The following CCDC178 variants were observed in gnomAD, a reference collection of about 807,000 sequenced individuals.
The protein encoded by CCDC178 is coiled-coil domain-containing protein 178.
CCDC178 carries 126 observed loss-of-function variants against 117.4 expected under a neutral mutation model. The ratio of observed to expected loss-of-function variants is 1.07; its 90% confidence interval spans 0.93 to 1.24. The LOEUF is 1.24. Ranked by LOEUF, CCDC178 falls within the 50% of genes most tolerant of loss-of-function variation. The pLI is 0.00. For missense variants in CCDC178, 1,030 were observed against 986.9 expected (o/e 1.04, Z -0.59); for synonymous variants, 283 against 313.4 (o/e 0.90, Z 1.02).
At chr18:33,129,656 A>T (rs1008545497) in intron 20 of CCDC178, among the ~76,000 whole-genome samples, 20 of 152,020 alleles carry the variant, frequency 1.3e-4, no homozygotes, top group African/African-American at 4.8e-4. Flanking sequence ...CAAAAAAAAA[A>T]TAGTAAAGAA....
chr18:33,254,255 C>T (rs1156463637), intron 14 of CCDC178, among the ~76,000 whole-genome samples: 3 of 76,656 alleles, frequency 3.9e-5, no homozygotes, highest in Non-Finnish European at 8.1e-5. Context: ...TTGAGAAACA[C>T]ACACACACAC....
chr18:33,371,784 T>TATACACACACAC (rs369419194), intron 5 of CCDC178, among the ~76,000 whole-genome samples: 21 of 144,308 alleles, frequency 1.5e-4, no homozygotes, highest in African/African-American at 4.9e-4. Flanking sequence ...TAAACATATA[T>TATACACACACAC]ACACACACAC....
intron 20 of CCDC178, among the ~76,000 whole-genome samples, chr18:33,203,734 A>C (rs2059017845): frequency 6.6e-6 from 1 of 152,170 alleles, no homozygotes. Flanking sequence ...AATTCCTTAA[A>C]AGGGTTCACA....
chr18:33,415,031 C>T (rs1191760509), intron 2 of CCDC178, among the ~76,000 whole-genome samples: 3 of 152,100 alleles, frequency 2.0e-5, no homozygotes, highest in Non-Finnish European at 2.9e-5. Flanking sequence ...GAATGGCGAT[C>T]ATTAAAAAGT....
chr18:33,201,269 C>A (rs1188314630), intron 20 of CCDC178, among the ~76,000 whole-genome samples: 2 of 152,132 alleles, frequency 1.3e-5, no homozygotes, highest in African/African-American at 4.8e-5. Flanking sequence ...AAGTTGCAAA[C>A]AAATAAATTA....
intron 21 of CCDC178, among the ~76,000 whole-genome samples, chr18:33,051,567 G>T (rs1391338922): frequency 6.6e-6 from 1 of 152,214 alleles, no homozygotes; most frequent in African/African-American, 2.4e-5. Context: ...CAATAACTGG[G>T]ATGGACGCTG....
At chr18:33,139,947 C>T (rs2058179807) in intron 20 of CCDC178, among the ~76,000 whole-genome samples, 1 of 152,134 alleles carries the variant, frequency 6.6e-6, no homozygotes. Context: ...GGTTCCCACG[C>T]TGTGCACAGT....
chr18:33,341,178 T>C (rs1272603396), intron 9 of CCDC178, among the ~76,000 whole-genome samples: 1 of 150,864 alleles, frequency 6.6e-6, no homozygotes, highest in Admixed American at 6.6e-5. Flanking sequence ...TTTTGGAGCC[T>C]TAAAATTTGG....
intron 22 of CCDC178, among the ~76,000 whole-genome samples, chr18:32,958,775 TG>T (rs1199640383): frequency 1.3e-5 from 2 of 152,166 alleles, no homozygotes; most frequent in African/African-American, 4.8e-5. Context: ...TCTGCAAGCT[TG>T]CTGCCTTCCT....
chr18:33,351,231 C>T (rs1232072382), intron 7 of CCDC178, among the ~76,000 whole-genome samples: 1 of 151,766 alleles, frequency 6.6e-6, no homozygotes, highest in African/African-American at 2.4e-5. Context: ...GTCTCACTGT[C>T]GCCCAGGTTG....
intron 20 of CCDC178, among the ~76,000 whole-genome samples, chr18:33,097,367 G>A (rs764524401): frequency 6.6e-6 from 1 of 152,084 alleles, no homozygotes; most frequent in Non-Finnish European, 1.5e-5. Flanking sequence ...CTAACCCCTA[G>A]CCTCCAAGTC....
intron 11 of CCDC178, among the ~76,000 whole-genome samples, chr18:33,320,080 A>T (rs1037230779): frequency 2.0e-5 from 3 of 152,188 alleles, no homozygotes; most frequent in African/African-American, 7.2e-5. Context: ...TTAGGTATTG[A>T]TGGGACATAT....
At chr18:33,057,296 C>T (rs987006740) in intron 21 of CCDC178, among the ~76,000 whole-genome samples, 1 of 152,068 alleles carries the variant, frequency 6.6e-6, no homozygotes, top group African/African-American at 2.4e-5. Context: ...TAAAATGGGG[C>T]TATTTATACC....
chr18:33,139,066 T>G (rs1445914106), intron 20 of CCDC178, among the ~76,000 whole-genome samples: 1 of 152,198 alleles, frequency 6.6e-6, no homozygotes, highest in Non-Finnish European at 1.5e-5. Flanking sequence ...TGTGCTGTTC[T>G]TGTAATAGTG....
At chr18:33,045,298 A>G (rs369769460) in intron 21 of CCDC178, among the ~76,000 whole-genome samples, 35 of 152,328 alleles carry the variant, frequency 2.3e-4, no homozygotes, top group African/African-American at 8.4e-4. Flanking sequence ...AGTGCTTAAT[A>G]TATGACCTAC....
At chr18:33,337,859 C>T (rs886497263) in intron 9 of CCDC178, among the ~76,000 whole-genome samples, 1 of 152,152 alleles carries the variant, frequency 6.6e-6, no homozygotes, top group Non-Finnish European at 1.5e-5. Context: ...GCAAAGACTT[C>T]ATGACCAGGA....
chr18:33,125,363 A>G (rs1374922396), intron 20 of CCDC178, among the ~76,000 whole-genome samples: 4 of 152,194 alleles, frequency 2.6e-5, no homozygotes, highest in South Asian at 2.1e-4. Context: ...TTTGATAAAT[A>G]TTAGATTTCC....
intron 21 of CCDC178, among the ~76,000 whole-genome samples, chr18:33,037,280 T>C (rs1181387630): frequency 6.6e-6 from 1 of 152,120 alleles, no homozygotes; most frequent in East Asian, 1.9e-4. Flanking sequence ...CACTAGTTAT[T>C]TGAATTTCTA....
intron 20 of CCDC178, among the ~76,000 whole-genome samples, chr18:33,128,151 C>T (rs1282853525): frequency 6.6e-6 from 1 of 152,154 alleles, no homozygotes; most frequent in Non-Finnish European, 1.5e-5. Context: ...GTTAGAGAAC[C>T]ATTCTTATTA....
Sources: allele counts gnomAD v4.1 joint callset (sites outside exome capture counted in the v4.1 genomes callset), GRCh38; gene constraint gnomAD v4.1.1; transcripts MANE v1.5; gene names NCBI Gene and HGNC (gene_info 2026-07-23, HGNC 2026-07-21).